The following GABRB2 variants were observed in gnomAD, a reference collection of about 807,000 sequenced individuals.
GABRB2 encodes gamma-aminobutyric acid receptor subunit beta-2.
In GABRB2, 16 loss-of-function variants were observed where a neutral mutation model predicts 54.7. That is an observed-to-expected ratio of 0.29 (90% CI 0.20 to 0.44). The LOEUF (loss-of-function observed/expected upper bound fraction) is 0.44. GABRB2 is among the 20% of genes least tolerant of loss of function. The probability of loss-of-function intolerance (pLI) is 1.00; values close to 1 mark genes in which losing one functional copy is unlikely to be tolerated. For synonymous variants in GABRB2, 244 were observed against 233.8 expected (o/e 1.04, Z -0.40); for missense variants, 355 against 644.0 (o/e 0.55, Z 4.86).
intron 5 of GABRB2, among the ~76,000 whole-genome samples, chr5:161,338,803 A>C (rs906864659): frequency 2.6e-5 from 4 of 152,040 alleles, no homozygotes; most frequent in African/African-American, 9.7e-5. Flanking sequence ...TATATAAATA[A>C]ATACATAAAA....
At chr5:161,538,682 G>A (rs146862132) in intron 3 of GABRB2, among the ~76,000 whole-genome samples, 1 of 152,118 alleles carries the variant, frequency 6.6e-6, no homozygotes, top group Non-Finnish European at 1.5e-5. Flanking sequence ...AAATTAGTTG[G>A]TCATGGTGGC....
chr5:161,456,276 G>A (rs1462982919), intron 4 of GABRB2, among the ~76,000 whole-genome samples: 1 of 152,122 alleles, frequency 6.6e-6, no homozygotes. Flanking sequence ...GATCTTGCCT[G>A]TGCCTCAGAA....
chr5:161,441,957 G>A (rs1757476802), intron 4 of GABRB2, among the ~76,000 whole-genome samples: 1 of 152,154 alleles, frequency 6.6e-6, no homozygotes, highest in Admixed American at 6.5e-5. Context: ...GGCTGAGAAT[G>A]GTAATGGGAG....
At chr5:161,348,930 C>A (rs1754391163) in intron 5 of GABRB2, among the ~76,000 whole-genome samples, 2 of 151,966 alleles carry the variant, frequency 1.3e-5, no homozygotes, top group African/African-American at 4.8e-5. Flanking sequence ...AGCTATTGTT[C>A]ATTCATATCA....
chr5:161,412,249 T>C (rs1391522053), intron 4 of GABRB2, among the ~76,000 whole-genome samples: 1 of 152,230 alleles, frequency 6.6e-6, no homozygotes, highest in Non-Finnish European at 1.5e-5. Flanking sequence ...AAACATGTGA[T>C]TAACTTGAAG....
Position 161,294,194 on chromosome 5 carries a change from T to C in GABRB2, c.1426A>G (p.Ile476Val). 1 of 1,614,128 alleles carries C rather than the reference T, an allele frequency of 6.2e-7. No individual in the cohort carries two copies. Among genetic ancestry groups the C allele is most frequent in the South Asian group, 1.1e-5 (1 of 91,082 alleles). ...ACATCAGTCAAGTCAGGGATGGTGA[T>C]TTTCAGTTGGGAGGCGCGTCTCCTC... ...RLRRRASQLKITIPDLTDVNA... is the reference protein window; with the variant it reads ...RLRRRASQLKVTIPDLTDVNA... Residue 476 changes from isoleucine (I) to valine (V), a missense_variant, in exon 10 of 10, where the codon ATC becomes GTC. Coordinates refer to ENST00000393959, the MANE Select transcript of GABRB2 (RefSeq NM_001371727.1).
chr5:161,351,555 G>A (rs1754469961), intron 5 of GABRB2, among the ~76,000 whole-genome samples: 1 of 151,940 alleles, frequency 6.6e-6, no homozygotes, highest in African/African-American at 2.4e-5. Context: ...TATTCAAAAT[G>A]GACTCAAGAC....
At chr5:161,453,717 G>T (rs1229236490) in intron 4 of GABRB2, among the ~76,000 whole-genome samples, 1 of 152,006 alleles carries the variant, frequency 6.6e-6, no homozygotes, top group African/African-American at 2.4e-5. Context: ...GTCACAAACT[G>T]CAATTTTAAG....
intron 4 of GABRB2, among the ~76,000 whole-genome samples, chr5:161,423,380 G>T (rs1756906431): frequency 6.6e-6 from 1 of 152,086 alleles, no homozygotes; most frequent in African/African-American, 2.4e-5. Flanking sequence ...AAATTTTGTG[G>T]TAACCATGTG....
intron 4 of GABRB2, among the ~76,000 whole-genome samples, chr5:161,458,834 C>G (rs922707910): frequency 1.3e-5 from 2 of 152,182 alleles, no homozygotes; most frequent in South Asian, 2.1e-4. Flanking sequence ...ATTATTATCA[C>G]CATTATGAGA....
intron 3 of GABRB2, among the ~76,000 whole-genome samples, chr5:161,485,143 G>A (rs1201307669): frequency 6.7e-6 from 1 of 149,510 alleles, no homozygotes; most frequent in Non-Finnish European, 1.5e-5. Flanking sequence ...AGGAAGCCCT[G>A]TCTAAGGACG....
chr5:161,469,732 T>A (rs1000244831), intron 3 of GABRB2, among the ~76,000 whole-genome samples: 1 of 148,746 alleles, frequency 6.7e-6, no homozygotes, highest in African/African-American at 2.5e-5. Flanking sequence ...CACATACACA[T>A]ACAGCTGTTC....
chr5:161,401,108 T>C (rs1217540826), intron 5 of GABRB2, among the ~76,000 whole-genome samples: 1 of 152,178 alleles, frequency 6.6e-6, no homozygotes, highest in Admixed American at 6.5e-5. Flanking sequence ...CTCTGCCCTC[T>C]AGGCCAGCAG....
intron 5 of GABRB2, among the ~76,000 whole-genome samples, chr5:161,378,663 C>T (rs559410862): frequency 3.9e-4 from 60 of 152,240 alleles, no homozygotes; most frequent in South Asian, 1.7e-3. Flanking sequence ...AGGGCATTCC[C>T]CTAACCTATT....
At chr5:161,348,889 A>G (rs2113430376) in intron 5 of GABRB2, among the ~76,000 whole-genome samples, 1 of 152,216 alleles carries the variant, frequency 6.6e-6, no homozygotes, top group African/African-American at 2.4e-5. Context: ...TATATTTTAA[A>G]AAGGAAACTA....
At chr5:161,517,838 C>T (rs370403097) in intron 3 of GABRB2, among the ~76,000 whole-genome samples, 1 of 151,962 alleles carries the variant, frequency 6.6e-6, no homozygotes, top group Admixed American at 6.5e-5. Flanking sequence ...ACTCTGTTGC[C>T]CATGCTGGAG....
At chr5:161,431,104 G>C (rs375460306) in intron 4 of GABRB2, among the ~76,000 whole-genome samples, 1 of 152,068 alleles carries the variant, frequency 6.6e-6, no homozygotes, top group African/African-American at 2.4e-5. Flanking sequence ...TCTGGACCTG[G>C]CATTTCCAGC....
chr5:161,430,040 A>G (rs1252150811), intron 4 of GABRB2, among the ~76,000 whole-genome samples: 1 of 152,230 alleles, frequency 6.6e-6, no homozygotes, highest in African/African-American at 2.4e-5. Flanking sequence ...TAAAATAGTT[A>G]TATGAATTGG....
intron 5 of GABRB2, among the ~76,000 whole-genome samples, chr5:161,339,053 C>G (rs551858633): frequency 1.3e-5 from 2 of 152,220 alleles, no homozygotes; most frequent in East Asian, 3.9e-4. Context: ...CTTATCAGTT[C>G]TTTATCCATA....
Sources: gnomAD v4.1 joint callset for allele counts (sites outside exome capture counted in the v4.1 genomes callset) on GRCh38, gnomAD v4.1.1 for gene constraint, MANE v1.5 for transcripts, NCBI Gene and HGNC (gene_info 2026-07-23, HGNC 2026-07-21) for gene names.